The following ARK2C variants were observed in gnomAD, a reference collection of about 807,000 sequenced individuals.
ARK2C encodes the protein E3 ubiquitin-protein ligase ARK2C.
At chr18:46,406,400 G>T in the ARK2C span, among the ~76,000 whole-genome samples, 1 of 152,224 alleles carries the variant, frequency 6.6e-6, no homozygotes, top group Non-Finnish European at 1.5e-5. Context: ...TGGCCAGCTG[G>T]AATCCAGCCT....
the ARK2C span, among the ~76,000 whole-genome samples, chr18:46,351,761 A>T: frequency 1.3e-5 from 2 of 151,998 alleles, no homozygotes; most frequent in Non-Finnish European, 2.9e-5. Context: ...TCCAGCTTGG[A>T]CCCCAAGCTC....
the ARK2C span, among the ~76,000 whole-genome samples, chr18:46,371,486 A>C: frequency 6.6e-6 from 1 of 151,680 alleles, no homozygotes; most frequent in Admixed American, 6.6e-5. Context: ...TCTCTGGTTA[A>C]GGGAGAAGTT....
the ARK2C span, chr18:46,450,360 A>C: frequency 1.9e-6 from 3 of 1,613,932 alleles, no homozygotes; most frequent in Non-Finnish European, 2.5e-6. Flanking sequence ...CAGGGACTAA[A>C]TCCCAGCAGA....
the ARK2C span, among the ~76,000 whole-genome samples, chr18:46,349,917 A>G: frequency 6.6e-6 from 1 of 152,130 alleles, no homozygotes; most frequent in Non-Finnish European, 1.5e-5. Context: ...GCATTTACAC[A>G]TTCATCCACA....
At chr18:46,373,755 C>G in the ARK2C span, among the ~76,000 whole-genome samples, 3 of 152,258 alleles carry the variant, frequency 2.0e-5, no homozygotes, top group South Asian at 6.2e-4. Context: ...GAATTGTTAT[C>G]TGAATCTTAC....
At chr18:46,344,023 G>T in the ARK2C span, among the ~76,000 whole-genome samples, 1 of 152,314 alleles carries the variant, frequency 6.6e-6, no homozygotes, top group South Asian at 2.1e-4. Flanking sequence ...AAACATGCCT[G>T]GGTGTGCCGC....
chr18:46,390,547 A>G, the ARK2C span, among the ~76,000 whole-genome samples: 3 of 152,156 alleles, frequency 2.0e-5, no homozygotes, highest in African/African-American at 7.2e-5. Flanking sequence ...CTCATATTTA[A>G]AGCTTGTGGA....
At chr18:46,365,025 C>G in the ARK2C span, among the ~76,000 whole-genome samples, 1 of 152,164 alleles carries the variant, frequency 6.6e-6, no homozygotes, top group Admixed American at 6.5e-5. Context: ...GGTTGGGGGT[C>G]TCTGGGAGTT....
the ARK2C span, among the ~76,000 whole-genome samples, chr18:46,413,072 CTG>C: frequency 2.6e-5 from 4 of 152,140 alleles, no homozygotes; most frequent in Admixed American, 2.0e-4. Context: ...GAGCTCAACT[CTG>C]TGGCACTCTG....
the ARK2C span, among the ~76,000 whole-genome samples, chr18:46,422,659 A>G: frequency 6.6e-6 from 1 of 152,174 alleles, no homozygotes; most frequent in Non-Finnish European, 1.5e-5. Context: ...CAGTTTGGCA[A>G]CTTTAACTAT....
the ARK2C span, chr18:46,334,671 CGTGT>C: frequency 0.037 from 11,243 of 302,886 alleles, 209 homozygotes; most frequent in Admixed American, 0.068. This position sits in a 1 kb window ranked among gnomAD's most constrained non-coding sequence, Gnocchi z 4.4. Context: ...GATACATGAC[CGTGT>C]GTGTGTGTGT....
At chr18:46,351,759 G>C in the ARK2C span, among the ~76,000 whole-genome samples, 1 of 152,134 alleles carries the variant, frequency 6.6e-6, no homozygotes, top group South Asian at 2.1e-4. Flanking sequence ...AGTCCAGCTT[G>C]GACCCCAAGC....
the ARK2C span, among the ~76,000 whole-genome samples, chr18:46,359,705 C>G: frequency 6.6e-6 from 1 of 152,110 alleles, no homozygotes; most frequent in East Asian, 1.9e-4. Flanking sequence ...GGTGTGGTGC[C>G]CCTCAGTGGC....
At chr18:46,414,749 T>C in the ARK2C span, among the ~76,000 whole-genome samples, 35 of 152,168 alleles carry the variant, frequency 2.3e-4, no homozygotes, top group Admixed American at 2.2e-3. Flanking sequence ...GGAATCCTGG[T>C]CCTCAGGTCC....
the ARK2C span, among the ~76,000 whole-genome samples, chr18:46,376,673 T>C: frequency 1.7e-4 from 23 of 137,396 alleles, no homozygotes; most frequent in African/African-American, 5.7e-4. Flanking sequence ...TCTTTTTTTT[T>C]TTTTTTTTTT....
chr18:46,422,016 A>T, the ARK2C span, among the ~76,000 whole-genome samples: 163 of 152,316 alleles, frequency 1.1e-3, 3 homozygotes, highest in East Asian at 0.026. Context: ...GACCCATGGC[A>T]GCCCTGGGGG....
chr18:46,452,659 T>C, the ARK2C span, among the ~76,000 whole-genome samples: 2 of 152,114 alleles, frequency 1.3e-5, no homozygotes, highest in Admixed American at 1.3e-4. Context: ...TAAATATTAA[T>C]ACATTTTTAA....
chr18:46,439,495 A>G, the ARK2C span, among the ~76,000 whole-genome samples: 12 of 152,138 alleles, frequency 7.9e-5, no homozygotes, highest in Non-Finnish European at 1.3e-4. Context: ...GCCTAGCTGC[A>G]CTTTCCCAAA....
At chr18:46,358,271 G>T in the ARK2C span, among the ~76,000 whole-genome samples, 1 of 152,132 alleles carries the variant, frequency 6.6e-6, no homozygotes, top group Admixed American at 6.5e-5. Flanking sequence ...CAGGGCAGTG[G>T]GCTCCAGGAA....
Sources: gnomAD v4.1 joint callset for allele counts (sites outside exome capture counted in the v4.1 genomes callset) on GRCh38, gnomAD v4.1.1 for gene constraint, Gnocchi (gnomAD v3.1) non-coding constraint, MANE v1.5 for transcripts, NCBI Gene and HGNC (gene_info 2026-07-23, HGNC 2026-07-21) for gene names.